The following DAGLA variants were observed in gnomAD, a reference collection of about 807,000 sequenced individuals.
The protein encoded by DAGLA is diacylglycerol lipase alpha.
Under a neutral mutation model 102.6 loss-of-function variants are expected in DAGLA, and 22 were observed. That is an observed-to-expected ratio of 0.21 (90% CI 0.15 to 0.31). The LOEUF (loss-of-function observed/expected upper bound fraction) is 0.31, where lower values mean the gene tolerates loss of function less well. DAGLA is among the 10% of genes least tolerant of loss of function. The pLI, the probability that DAGLA is intolerant of heterozygous loss-of-function variation, is 1.00. For synonymous variants in DAGLA, 578 were observed against 628.9 expected (o/e 0.92, Z 1.21); for missense variants, 927 against 1,446.6 (o/e 0.64, Z 5.83).
chr11:61,713,570 GC>G (rs768629660), intron 1 of DAGLA, among the ~76,000 whole-genome samples: 5 of 152,320 alleles, frequency 3.3e-5, no homozygotes, highest in Non-Finnish European at 5.9e-5. Flanking sequence ...AGGTTAACTC[GC>G]TACCACAGTC....
At chr11:61,712,687 C>A (rs922435213) in intron 1 of DAGLA, among the ~76,000 whole-genome samples, 13 of 152,186 alleles carry the variant, frequency 8.5e-5, no homozygotes, top group African/African-American at 3.1e-4. Context: ...GGCCCCCAGC[C>A]CACACGTGCT....
At chr11:61,682,956 C>T (rs147419504) in intron 1 of DAGLA, among the ~76,000 whole-genome samples, 2,182 of 152,202 alleles carry the variant, frequency 0.014, 22 homozygotes, top group Middle Eastern at 0.037. Context: ...CCAATGTGGC[C>T]CCACTTCTGG....
chr11:61,704,787 C>T (rs1182432644), intron 1 of DAGLA, among the ~76,000 whole-genome samples: 1 of 152,194 alleles, frequency 6.6e-6, no homozygotes, highest in East Asian at 1.9e-4. Context: ...CCATTCCCCT[C>T]CTGTAGTAGG....
Position 61,728,268 on chromosome 11 carries a change from G to C in DAGLA, c.752G>C (p.Arg251Pro). ...VLLRQRQRAK[R>P]NAVLDEANND... ...CTCCGGCAGCGGCAGCGGGCCAAGC[G>C]CAACGCCGTGCTGGACGAGGTGAGC... The change falls in exon 7 of 20, where the codon CGC (arginine) becomes CCC (proline). Residue 251 changes from arginine to proline, a missense_variant. Physicochemically the swap from Arg to Pro is moderately radical, Grantham distance 103. This residue lies in a region of DAGLA where 231 missense variants were observed against 439.8 expected (regional missense o/e 0.53). Coordinates refer to ENST00000257215, the MANE Select transcript of DAGLA (RefSeq NM_006133.3). The C allele has an allele frequency of 6.2e-7, 1 of 1,612,508 alleles. No individual in the cohort carries two copies. The highest frequency in any genetic ancestry group is 8.5e-7 in the Non-Finnish European group (1 of 1,179,956).
intron 1 of DAGLA, among the ~76,000 whole-genome samples, chr11:61,706,493 C>A (rs933904890): frequency 2.6e-5 from 4 of 152,194 alleles, no homozygotes; most frequent in African/African-American, 9.7e-5. Context: ...TGGCCGAGGG[C>A]CCTGCTCGTG....
chr11:61,743,938 C>G lies in DAGLA; in HGVS notation c.2578C>G (p.Leu860Val). 1 of 1,612,060 alleles carries G rather than the reference C, an allele frequency of 6.2e-7. No homozygotes were observed. The highest frequency in any genetic ancestry group is 8.5e-7 in the Non-Finnish European group (1 of 1,179,720). ...SQDTQPLEAA[L>V]GSGGVTPERP... ...GGACACGCAGCCCCTGGAGGCGGCC[C>G]TGGGCAGTGGCGGCGTCACTCCTGA... The change falls in exon 20 of 20, where the codon CTG (leucine) becomes GTG (valine). Residue 860 changes from leucine (L) to valine (V), a missense_variant. Transcript: ENST00000257215.
chr11:61,725,529 G>C (rs934155416), intron 5 of DAGLA, among the ~76,000 whole-genome samples: 2 of 152,180 alleles, frequency 1.3e-5, no homozygotes, highest in African/African-American at 4.8e-5. Flanking sequence ...GGGAAAAGCA[G>C]GTCTTTCTGG....
intron 1 of DAGLA, among the ~76,000 whole-genome samples, chr11:61,683,454 A>G (rs1286683337): frequency 1.3e-5 from 2 of 152,160 alleles, no homozygotes; most frequent in South Asian, 2.1e-4. Flanking sequence ...ACTTCAGCTC[A>G]TGTCTGGAAA....
chr11:61,735,785 A>G lies in DAGLA; in HGVS notation c.1259A>G (p.Glu420Gly), dbSNP rs558150268. ...LTGDAERLPV[E>G]GHHGTWLGHK... ...GGTGATGCTGAGCGCCTCCCCGTGG[A>G]GGGGCACCACGGCACCTGGCTGGGC... The change falls in exon 12 of 20, where the codon GAG (glutamate) becomes GGG (glycine). Residue 420 changes from glutamate to glycine, a missense_variant. Coordinates refer to ENST00000257215, the MANE Select transcript of DAGLA (RefSeq NM_006133.3). 5.0e-6 allele frequency: 8 copies of G among 1,612,720 alleles called. No individual in the cohort carries two copies. The highest frequency in any genetic ancestry group is 5.9e-6 in the Non-Finnish European group (7 of 1,179,540).
chr11:61,731,435 C>A lies in DAGLA; in HGVS notation c.968C>A (p.Ser323Tyr). The A allele has an allele frequency of 1.2e-6, 2 of 1,613,524 alleles. No homozygotes were observed. The highest frequency in any genetic ancestry group is 2.2e-5 in the South Asian group (2 of 91,044). The change falls in exon 9 of 20, where the codon TCC (serine) becomes TAC (tyrosine). Residue 323 changes from serine to tyrosine, a missense_variant. Physicochemically the swap from Ser to Tyr is moderately radical, Grantham distance 144. Around this residue, in one of 4 missense-constraint regions of DAGLA, gnomAD observed 44 missense variants for 44.0 expected, o/e 1.00. Transcript: ENST00000257215. ...TGCGGCCTCTGCCAACTGGCTCGGT[C>A]CTGCTCGTGAGTACCCCTGTCCCAT... The part of the protein sequence containing the change: ...PACGLCQLAR[S>Y]CSCCLCPARP...
At chr11:61,680,803 A>C (rs929744993) in intron 1 of DAGLA, among the ~76,000 whole-genome samples, 1 of 151,894 alleles carries the variant, frequency 6.6e-6, no homozygotes, top group Admixed American at 6.5e-5. Flanking sequence ...GTGGCCACGC[A>C]GGTGTGAGGT....
chr11:61,696,714 G>T (rs1471967819), intron 1 of DAGLA, among the ~76,000 whole-genome samples: 1 of 152,176 alleles, frequency 6.6e-6, no homozygotes, highest in Non-Finnish European at 1.5e-5. Context: ...CAAGGTTTGC[G>T]TGAAGCACAT....
chr11:61,705,005 G>A (rs780965208), intron 1 of DAGLA, among the ~76,000 whole-genome samples: 6 of 152,232 alleles, frequency 3.9e-5, no homozygotes, highest in African/African-American at 1.2e-4. Flanking sequence ...GCCCGGGCTC[G>A]CCTGAGCTCG....
At chr11:61,717,812 G>C (rs1342028735) in intron 1 of DAGLA, among the ~76,000 whole-genome samples, 1 of 152,216 alleles carries the variant, frequency 6.6e-6, no homozygotes, top group South Asian at 2.1e-4. Flanking sequence ...TTGGCCTCAG[G>C]CTGGTCACCC....
intron 3 of DAGLA, among the ~76,000 whole-genome samples, chr11:61,722,153 T>G (rs950380024): frequency 2.0e-5 from 3 of 152,276 alleles, no homozygotes; most frequent in Non-Finnish European, 2.9e-5. Context: ...CGCTCTCATC[T>G]AATTTTTGCA....
At chr11:61,729,543 A>G (rs1481174030) in intron 8 of DAGLA, among the ~76,000 whole-genome samples, 1 of 151,760 alleles carries the variant, frequency 6.6e-6, no homozygotes, top group Admixed American at 6.5e-5. Context: ...GCCGGGAGAA[A>G]CAGGCCCTGC....
At position 61,734,938 on chromosome 11, in the gene DAGLA, G is replaced by A. The variant is rs139298962; in HGVS notation, c.1064G>A (p.Arg355Gln). ...NCCGCNAIAI[R>Q]RHFLDENMTA... The stretch of plus-strand genomic sequence containing the variant: ...TGTGGCTGTAATGCCATTGCCATCC[G>A]GCGCCACTTCCTGGACGAGAACATG... The change falls in exon 10 of 20, where the codon CGG becomes CAG. Residue 355 changes from arginine to glutamine, a missense_variant. By Grantham distance (43) the Arg-to-Gln change is conservative. Coordinates refer to ENST00000257215, the MANE Select transcript of DAGLA (RefSeq NM_006133.3). The surrounding 1 kb of genome is among the most constrained non-coding windows in gnomAD (Gnocchi z 4.2). The A allele has an allele frequency of 5.4e-5, 87 of 1,613,970 alleles. No homozygotes were observed. The highest frequency in any genetic ancestry group is 7.0e-5 in the Non-Finnish European group (83 of 1,179,980).
intron 1 of DAGLA, among the ~76,000 whole-genome samples, chr11:61,718,446 A>G (rs548315928): frequency 6.6e-6 from 1 of 152,204 alleles, no homozygotes; most frequent in Admixed American, 6.5e-5. Context: ...AGCTGTTGGC[A>G]GCTCTGTTCT....
chr11:61,735,423 C>G lies in DAGLA; in HGVS notation c.1129-138C>G, dbSNP rs184599923. On this transcript the variant is annotated intron_variant, in intron 10 of 19. Coordinates refer to ENST00000257215, the MANE Select transcript of DAGLA (RefSeq NM_006133.3). ...GAGATCCCCAGTGACCCTGGGAGCC[C>G]GTCAGCCTTTCTGGCGGCAGAGGCT... The G allele has an allele frequency of 1.3e-4, 95 of 733,780 alleles. No individual in the cohort carries two copies. The African/African-American group carries it at 1.4e-3, about 11-fold the overall frequency. The allele number at this position is 733,780 out of a possible 1,614,324, so 45.5% of individuals were successfully genotyped here.
Sources: allele counts gnomAD v4.1 joint callset (sites outside exome capture counted in the v4.1 genomes callset), GRCh38; gene constraint gnomAD v4.1.1; regional missense constraint gnomAD v4.1.1; non-coding constraint Gnocchi (gnomAD v3.1); transcripts MANE v1.5; gene names NCBI Gene and HGNC (gene_info 2026-07-23, HGNC 2026-07-21).